KCNH8: variants seen among roughly 807,000 people sequenced by gnomAD.
The protein encoded by KCNH8 is voltage-gated delayed rectifier potassium channel KCNH8.
KCNH8 carries 70 observed loss-of-function variants against 103.6 expected under a neutral mutation model. The ratio of observed to expected loss-of-function variants is 0.68; its 90% confidence interval spans 0.56 to 0.82. The LOEUF (loss-of-function observed/expected upper bound fraction) is 0.82. KCNH8 is among the 40% of genes least tolerant of loss of function. The probability of loss-of-function intolerance (pLI) is 0.00; values close to 1 mark genes in which losing one functional copy is unlikely to be tolerated. For missense variants in KCNH8, 1,217 were observed against 1,329.9 expected, an observed-to-expected ratio of 0.92 and a Z score of 1.32; for synonymous variants, 498 against 489.4, an observed-to-expected ratio of 1.02 and a Z score of -0.23.
rs34218164 is a variant in KCNH8, at chr3:19,357,484, C to CA, written c.811+9529dup. Among the ~76,000 whole-genome samples, 202 of 149,400 alleles carry CA rather than the reference C, an allele frequency of 1.4e-3. 2 individuals carry two copies. The highest frequency in any genetic ancestry group is 3.9e-3 in the African/African-American group (160 of 40,984). ...TAATCATCATATCATTCTAAAAATA[C>CA]AAAAAAAAAATCACTTGATTGTTTG... On this transcript the variant is annotated intron_variant, in intron 5 of 15. Coordinates refer to ENST00000328405, the MANE Select transcript of KCNH8 (RefSeq NM_144633.3).
At chr3:19,375,271 A>G (rs1161117811) in intron 5 of KCNH8, among the ~76,000 whole-genome samples, 1 of 151,016 alleles carries the variant, frequency 6.6e-6, no homozygotes, top group Non-Finnish European at 1.5e-5. Flanking sequence ...GTCTTTTCAC[A>G]TAGTCCCATA....
chr3:19,486,706 TAA>T (rs1472057670), intron 11 of KCNH8, among the ~76,000 whole-genome samples: 3 of 152,202 alleles, frequency 2.0e-5, no homozygotes, highest in Admixed American at 2.0e-4. Flanking sequence ...GGCTCCCATT[TAA>T]AAGTTACCGG....
intron 7 of KCNH8, among the ~76,000 whole-genome samples, chr3:19,424,983 T>TACACACACACACACACAC (rs552536520): frequency 1.1e-4 from 17 of 151,554 alleles, no homozygotes; most frequent in African/African-American, 3.9e-4. Context: ...GTTTCCCTGT[T>TACACACACACACACACAC]ACACACACAC....
chr3:19,435,494 A>C (rs143038105), intron 7 of KCNH8, among the ~76,000 whole-genome samples: 227 of 152,328 alleles, frequency 1.5e-3, no homozygotes, highest in African/African-American at 5.3e-3. Context: ...GGTAGCACTT[A>C]ATAAAATGTT....
At chr3:19,479,178 G>A (rs1044007439) in intron 11 of KCNH8, among the ~76,000 whole-genome samples, 9 of 152,126 alleles carry the variant, frequency 5.9e-5, no homozygotes, top group Non-Finnish European at 1.0e-4. Flanking sequence ...GAGAGTTTGC[G>A]GGGTGCCTCC....
intron 1 of KCNH8, among the ~76,000 whole-genome samples, chr3:19,246,129 T>G (rs1009715889): frequency 5.3e-5 from 8 of 152,086 alleles, no homozygotes; most frequent in African/African-American, 1.4e-4. Context: ...TTAATGAGCT[T>G]TCACCTTTGT....
chr3:19,365,731 A>C (rs1253166588), intron 5 of KCNH8, among the ~76,000 whole-genome samples: 1 of 152,074 alleles, frequency 6.6e-6, no homozygotes, highest in Non-Finnish European at 1.5e-5. Flanking sequence ...ACAAACAGTA[A>C]ACAAAACAAT....
At chr3:19,388,813 C>A (rs1001791603) in intron 5 of KCNH8, among the ~76,000 whole-genome samples, 3 of 152,094 alleles carry the variant, frequency 2.0e-5, no homozygotes, top group Non-Finnish European at 2.9e-5. Flanking sequence ...GAATTTGGGT[C>A]TTGCTCTTTC....
chr3:19,519,117 T>G (rs1298124477), intron 15 of KCNH8, among the ~76,000 whole-genome samples: 1 of 151,368 alleles, frequency 6.6e-6, no homozygotes, highest in African/African-American at 2.4e-5. Context: ...CAAGGAAAAG[T>G]GGAGTTGAGG....
chr3:19,192,001 G>A (rs373804900), intron 1 of KCNH8, among the ~76,000 whole-genome samples: 1 of 150,882 alleles, frequency 6.6e-6, no homozygotes, highest in African/African-American at 2.4e-5. Context: ...GTAGTAGATT[G>A]GTATCTCCTT....
intron 1 of KCNH8, among the ~76,000 whole-genome samples, chr3:19,202,678 G>GT (rs1379729585): frequency 6.6e-6 from 1 of 152,040 alleles, no homozygotes; most frequent in Admixed American, 6.6e-5. Context: ...AGAGTAGTCT[G>GT]TAACTTTTTG....
At position 19,521,390 on chromosome 3, in the gene KCNH8, G is replaced by A. The variant is rs552417845; in HGVS notation, c.2619+3316G>A. Among the ~76,000 whole-genome samples, 3 of 152,054 alleles carry A rather than the reference G, an allele frequency of 2.0e-5. No individual in the cohort carries two copies. In the East Asian group the frequency reaches 5.8e-4, roughly 29 times the overall value. On this transcript the variant is annotated intron_variant, in intron 15 of 15. Coordinates refer to ENST00000328405, the MANE Select transcript of KCNH8 (RefSeq NM_144633.3). ...CTATTAAATGATAATAATAGAACCT[G>A]TAATCAAGGATTGTTGTGAGAAGTT...
chr3:19,379,950 T>C (rs2066266711), intron 5 of KCNH8, among the ~76,000 whole-genome samples: 2 of 152,292 alleles, frequency 1.3e-5, no homozygotes, highest in South Asian at 4.1e-4. Context: ...AAAGGTTATT[T>C]TGAGGATAAG....
chr3:19,490,377 AC>A (rs1338625686), intron 11 of KCNH8, among the ~76,000 whole-genome samples: 3 of 152,220 alleles, frequency 2.0e-5, no homozygotes, highest in Non-Finnish European at 4.4e-5. Context: ...TTAAGGGCTT[AC>A]AACTCTAAGG....
chr3:19,327,878 T>C (rs989684892), intron 3 of KCNH8, among the ~76,000 whole-genome samples: 1 of 152,176 alleles, frequency 6.6e-6, no homozygotes, highest in African/African-American at 2.4e-5. Flanking sequence ...AGTCTTCTCT[T>C]CTACTAACTA....
intron 10 of KCNH8, 127 bp from the exon 11 acceptor site, chr3:19,456,641 C>G: frequency 1.5e-6 from 1 of 646,978 alleles, no homozygotes; most frequent in Non-Finnish European, 2.7e-6. Flanking sequence ...AAAAGCCCTG[C>G]CCCAAGGTAA....
chr3:19,515,280 A>G, intron 13 of KCNH8, 42 bp from the exon 14 acceptor site: 1 of 1,065,024 alleles, frequency 9.4e-7, no homozygotes, highest in Non-Finnish European at 1.4e-6. Context: ...GGAATCCATG[A>G]ATATGAATCC....
intron 1 of KCNH8, among the ~76,000 whole-genome samples, chr3:19,241,853 A>G (rs533206665): frequency 6.4e-4 from 97 of 152,272 alleles, no homozygotes; most frequent in African/African-American, 2.3e-3. Flanking sequence ...TGGCTAACAA[A>G]TCACAAATAA....
At chr3:19,446,805 A>G (rs1185724259) in intron 8 of KCNH8, among the ~76,000 whole-genome samples, 1 of 152,020 alleles carries the variant, frequency 6.6e-6, no homozygotes, top group African/African-American at 2.4e-5. Context: ...AAAAGGAGAA[A>G]GGAAATGAAA....
Sources: allele counts gnomAD v4.1 joint callset (sites outside exome capture counted in the v4.1 genomes callset), GRCh38; gene constraint gnomAD v4.1.1; transcripts MANE v1.5; gene names NCBI Gene and HGNC (gene_info 2026-07-23, HGNC 2026-07-21).